UVRAG: variants seen among roughly 807,000 people sequenced by gnomAD.
UVRAG encodes UV radiation resistance-associated gene protein.
UVRAG carries 19 observed loss-of-function variants against 78.0 expected under a neutral mutation model. The ratio of observed to expected loss-of-function variants is 0.24; its 90% CI spans 0.17 to 0.36. The LOEUF is 0.36. Among genes scored for constraint, UVRAG ranks in the 10% least tolerant of loss-of-function variants. The pLI is 1.00. For missense variants in UVRAG, 740 were observed against 853.8 expected (o/e 0.87, Z 1.66); for synonymous variants, 323 against 324.6 (o/e 1.00, Z 0.05).
intron 2 of UVRAG, among the ~76,000 whole-genome samples, chr11:75,857,497 C>T (rs2371374): frequency 0.076 from 11,251 of 147,726 alleles, 1,399 homozygotes; most frequent in African/African-American, 0.26. Flanking sequence ...TTCCCCCCCC[C>T]TTTTTTTTTT....
intron 2 of UVRAG, among the ~76,000 whole-genome samples, chr11:75,859,531 A>G (rs1946372218): frequency 6.6e-6 from 1 of 152,090 alleles, no homozygotes; most frequent in Admixed American, 6.5e-5. Context: ...TAAAAATTAT[A>G]AAATATTTTA....
At chr11:76,045,955 G>T (rs1168671969) in intron 12 of UVRAG, among the ~76,000 whole-genome samples, 1 of 151,986 alleles carries the variant, frequency 6.6e-6, no homozygotes, top group Non-Finnish European at 1.5e-5. Context: ...CCACACTAAG[G>T]TACATCACTG....
intron 13 of UVRAG, among the ~76,000 whole-genome samples, chr11:76,115,150 A>C (rs775355424): frequency 1.3e-5 from 2 of 152,200 alleles, no homozygotes; most frequent in African/African-American, 2.4e-5. Flanking sequence ...CAGTGAAAGG[A>C]AGTGAAGAAC....
At chr11:75,932,499 T>C (rs1037575835) in intron 6 of UVRAG, among the ~76,000 whole-genome samples, 12 of 152,060 alleles carry the variant, frequency 7.9e-5, no homozygotes, top group Non-Finnish European at 1.6e-4. Context: ...TTGGCAAGGA[T>C]GGTCTCGATC....
intron 12 of UVRAG, among the ~76,000 whole-genome samples, chr11:76,035,144 A>G (rs1332825457): frequency 1.3e-5 from 2 of 152,172 alleles, no homozygotes; most frequent in East Asian, 3.8e-4. Flanking sequence ...GTAGTACACA[A>G]TTTTGTCATT....
intron 2 of UVRAG, 150 bp from the exon 3 acceptor site, chr11:75,861,596 T>C (rs1327517008): frequency 1.3e-5 from 6 of 460,848 alleles, no homozygotes; most frequent in African/African-American, 4.1e-5. Context: ...CTTTTTTTTT[T>C]AACAGATAAA....
At chr11:75,973,256 G>A (rs1304026669) in intron 7 of UVRAG, among the ~76,000 whole-genome samples, 1 of 152,166 alleles carries the variant, frequency 6.6e-6, no homozygotes, top group Non-Finnish European at 1.5e-5. Flanking sequence ...AATCGTAGTT[G>A]GATTTTGTCA....
intron 13 of UVRAG, among the ~76,000 whole-genome samples, chr11:76,107,551 T>C (rs751896781): frequency 2.0e-5 from 3 of 152,198 alleles, no homozygotes; most frequent in African/African-American, 4.8e-5. Context: ...TTATAACATA[T>C]CTATTTTGGA....
intron 2 of UVRAG, among the ~76,000 whole-genome samples, chr11:75,852,524 C>T (rs968177475): frequency 6.6e-6 from 1 of 152,044 alleles, no homozygotes; most frequent in African/African-American, 2.4e-5. Context: ...CAACCACCTT[C>T]AGAATGCATA....
chr11:76,074,695 C>T (rs1951373726), intron 13 of UVRAG, among the ~76,000 whole-genome samples: 1 of 152,166 alleles, frequency 6.6e-6, no homozygotes, highest in Non-Finnish European at 1.5e-5. Context: ...CAATTCAAAA[C>T]CAAATCCAGT....
chr11:75,815,316 T>C lies in UVRAG; in HGVS notation c.-92T>C. 1.5e-6 allele frequency: 1 copy of C among 672,130 alleles called. No individual in the cohort carries two copies. Among genetic ancestry groups the C allele is most frequent in the Non-Finnish European group, 2.1e-6 (1 of 470,000 alleles). The allele number at this position is 672,130 out of a possible 1,614,324, so 41.6% of individuals were successfully genotyped here. ...TAGTGCCTCTCGGGTGGCGGGTTTC[T>C]AGGCTGCAGGGGCTTGGTAGGTGGT... On this transcript the variant is annotated 5_prime_UTR_variant, in exon 1 of 15. Transcript: ENST00000356136.
At chr11:76,066,768 C>T (rs1951196342) in intron 13 of UVRAG, among the ~76,000 whole-genome samples, 1 of 152,100 alleles carries the variant, frequency 6.6e-6, no homozygotes, top group Admixed American at 6.6e-5. Context: ...TTTAAAACAC[C>T]CAGCCTATTT....
chr11:75,843,778 G>A (rs1280696465), intron 1 of UVRAG, among the ~76,000 whole-genome samples: 1 of 152,028 alleles, frequency 6.6e-6, no homozygotes, highest in South Asian at 2.1e-4. Context: ...GGCCAAAATG[G>A]CAAAACCCCG....
chr11:75,907,744 G>T (rs1421277750), intron 5 of UVRAG, among the ~76,000 whole-genome samples: 4 of 151,228 alleles, frequency 2.6e-5, no homozygotes, highest in Non-Finnish European at 5.9e-5. Context: ...GTCCAGGCTG[G>T]TCTCTAACTC....
chr11:75,924,400 T>G (rs995851582), intron 6 of UVRAG, among the ~76,000 whole-genome samples: 3 of 152,130 alleles, frequency 2.0e-5, no homozygotes, highest in South Asian at 4.2e-4. Flanking sequence ...TTTTGTTTTT[T>G]TTTGTGACGG....
At chr11:76,129,822 T>C (rs1306327449) in intron 14 of UVRAG, among the ~76,000 whole-genome samples, 2 of 152,152 alleles carry the variant, frequency 1.3e-5, no homozygotes, top group African/African-American at 4.8e-5. Flanking sequence ...ACCCCTCCAT[T>C]CTGCTCTCCC....
chr11:75,975,103 C>G (rs887029973), intron 7 of UVRAG, among the ~76,000 whole-genome samples: 1 of 152,120 alleles, frequency 6.6e-6, no homozygotes, highest in Non-Finnish European at 1.5e-5. Flanking sequence ...ATATGGCTAG[C>G]CAGTTTTCCC....
intron 3 of UVRAG, among the ~76,000 whole-genome samples, chr11:75,867,366 T>G (rs1273993960): frequency 6.6e-6 from 1 of 152,214 alleles, no homozygotes; most frequent in Non-Finnish European, 1.5e-5. Flanking sequence ...TAATTTTACC[T>G]GCTTTTGTAT....
At chr11:75,972,934 T>C (rs531218812) in intron 7 of UVRAG, among the ~76,000 whole-genome samples, 15 of 152,324 alleles carry the variant, frequency 9.8e-5, no homozygotes, top group African/African-American at 3.6e-4. Flanking sequence ...TTGTTTTGTT[T>C]GTCAATTCTT....
Sources: gnomAD v4.1 joint callset for allele counts (sites outside exome capture counted in the v4.1 genomes callset) on GRCh38, gnomAD v4.1.1 for gene constraint, MANE v1.5 for transcripts, NCBI Gene and HGNC (gene_info 2026-07-23, HGNC 2026-07-21) for gene names.